OR5H14: variants seen among roughly 807,000 people sequenced by gnomAD.
OR5H14 encodes the protein olfactory receptor family 5 subfamily H member 14.
For missense variants in OR5H14, 392 were observed against 363.9 expected (o/e 1.08, Z -0.63); for synonymous variants, 155 against 130.6 (o/e 1.19, Z -1.28).
In OR5H14 at chr3:98,150,226, A is replaced by G. The variant is rs745586839; in HGVS notation, c.841A>G (p.Ile281Val). ...DMMESLFYTV[I>V]VPLLNPMIYS... ...GATGGAGTCTCTATTTTACACTGTC[A>G]TAGTTCCTTTATTAAATCCCATGAT... Residue 281 changes from isoleucine to valine, a missense_variant, in exon 2 of 2, where the codon ATA (isoleucine) becomes GTA (valine). Physicochemically the swap from Ile to Val is conservative, Grantham distance 29. Transcript: ENST00000641380. 1 of 1,612,080 alleles carries G rather than the reference A, an allele frequency of 6.2e-7. No individual in the cohort carries two copies. The highest frequency in any genetic ancestry group is 1.3e-5 in the African/African-American group (1 of 74,844).
intron 1 of OR5H14, among the ~76,000 whole-genome samples, chr3:98,148,698 A>G (rs1403254203): frequency 2.0e-5 from 3 of 152,068 alleles, no homozygotes; most frequent in Admixed American, 1.3e-4. Flanking sequence ...CATGGACTAG[A>G]CATCTAGCAT....
chr3:98,149,681 T>C lies in OR5H14; in HGVS notation c.296T>C (p.Ile99Thr). 1.2e-6 allele frequency: 2 copies of C among 1,613,388 alleles called. No individual in the cohort carries two copies. The highest frequency in any genetic ancestry group is 2.2e-5 in the South Asian group (2 of 91,076). The change falls in exon 2 of 2, where the codon ATA becomes ACA. Residue 99 changes from isoleucine to threonine, a missense_variant. Physicochemically the swap from Ile to Thr is moderately conservative, Grantham distance 89. Transcript: ENST00000641380. ...ATGATATCTCTCTCTGAATGCAAGA[T>C]ACAGTTGTTTTCGTTTGCAATCAGT... Reference protein sequence around the residue: ...SKMISLSECKIQLFSFAISVT... With the variant: ...SKMISLSECKTQLFSFAISVT...
chr3:98,148,775 T>C (rs1708456108), intron 1 of OR5H14, among the ~76,000 whole-genome samples: 1 of 152,038 alleles, frequency 6.6e-6, no homozygotes, highest in Admixed American at 6.6e-5. Flanking sequence ...AAATAATCAA[T>C]TTCTACATTA....
rs1191872521 is a variant in OR5H14 at position 98,148,727 on chromosome 3, G to C, written c.-18-641G>C. On this transcript the variant is annotated intron_variant, in intron 1 of 1. Transcript: ENST00000641380. The stretch of plus-strand genomic sequence containing the variant: ...CTAGCATTCATTTGAATCATCTTGA[G>C]GGTATTTTTAAATACAGATTTCTAG... 2.0e-5 allele frequency among the ~76,000 whole-genome samples: 3 copies of C among 151,870 alleles called. No homozygotes were observed. In the East Asian group the frequency reaches 5.8e-4, roughly 29 times the overall value.
rs1708573436 is a variant in OR5H14 at position 98,155,350 on chromosome 3, G to T, written c.*5032G>T. 1 of 152,136 alleles carries T rather than the reference G, an allele frequency of 6.6e-6. No individual in the cohort carries two copies. The highest frequency in any genetic ancestry group is 2.1e-4 in the South Asian group (1 of 4,822). 9.4% of individuals were successfully genotyped at this position (152,136 alleles called of 1,614,324 possible). ...TTGTAATTCCTCTGTCTTGGTAATG[G>T]GCTCTATCTAGGTGTCAGGCAAAAA... is the stretch of plus-strand genomic sequence containing the variant. On this transcript the variant is annotated 3_prime_UTR_variant, in exon 2 of 2. Coordinates refer to ENST00000641380, the MANE Select transcript of OR5H14 (RefSeq NM_001005514.2).
intron 1 of OR5H14, among the ~76,000 whole-genome samples, chr3:98,148,676 T>A (rs370854862): frequency 2.0e-5 from 3 of 152,084 alleles, no homozygotes; most frequent in Non-Finnish European, 4.4e-5. Context: ...TCTCTTCCAA[T>A]GTAATATCAC....
rs1213714008 is a variant in OR5H14, at chr3:98,155,743, C to G, written c.*5425C>G. 1 of 152,122 alleles carries G rather than the reference C, an allele frequency of 6.6e-6. No homozygotes were observed. Among genetic ancestry groups the G allele is most frequent in the Non-Finnish European group, 1.5e-5 (1 of 68,004 alleles). The allele number at this position is 152,122 out of a possible 1,614,324, so 9.4% of individuals were successfully genotyped here. ...GGCCTTATTAAAATCATATTTTGAC[C>G]AGCTCTGATGAGACCATATTAATCA... On this transcript the variant is annotated 3_prime_UTR_variant, in exon 2 of 2. Coordinates refer to ENST00000641380, the MANE Select transcript of OR5H14 (RefSeq NM_001005514.2).
Position 98,150,519 on chromosome 3 carries a change from C to T in OR5H14, c.*201C>T, listed in dbSNP as rs1024345047. 37 of 412,426 alleles carry T rather than the reference C, an allele frequency of 9.0e-5. No homozygotes were observed. Among genetic ancestry groups the T allele is most frequent in the Non-Finnish European group, 1.4e-4 (33 of 232,628 alleles). The allele number at this position is 412,426 out of a possible 1,614,324, so 25.5% of individuals were successfully genotyped here. A position where few individuals can be genotyped will look rare whatever the true frequency, so the allele number is the denominator to read the frequency against. ...AGGATTTGAGAAATTTTAATCAAGT[C>T]TTCATAATAGAATAATGATAGCAGA... On this transcript the variant is annotated 3_prime_UTR_variant, in exon 2 of 2. Transcript: ENST00000641380.
rs1318053451 is a variant in OR5H14, at chr3:98,156,555, G to A, written c.*6237G>A. The A allele has an allele frequency of 6.6e-6, 1 of 152,016 alleles. No homozygotes were observed. The highest frequency in any genetic ancestry group is 1.5e-5 in the Non-Finnish European group (1 of 67,960). 9.4% of individuals were successfully genotyped at this position (152,016 alleles called of 1,614,324 possible). A position where few individuals can be genotyped will look rare whatever the true frequency, so the allele number is the denominator to read the frequency against. On this transcript the variant is annotated 3_prime_UTR_variant, in exon 2 of 2. Coordinates refer to ENST00000641380, the MANE Select transcript of OR5H14 (RefSeq NM_001005514.2). Reference sequence around the variant, plus strand: ...TTAGAAGCTTAAATGTTTTAAAGCTGGGTTTAAATCTTCAATTCATTGTGA... The same window carrying A: ...TTAGAAGCTTAAATGTTTTAAAGCTAGGTTTAAATCTTCAATTCATTGTGA...
rs1170474168 is a variant in OR5H14, at chr3:98,151,123, A to AG, written c.*805_*806insG. On this transcript the variant is annotated 3_prime_UTR_variant, in exon 2 of 2. Coordinates refer to ENST00000641380, the MANE Select transcript of OR5H14 (RefSeq NM_001005514.2). ...AAGAAAAGATAAATGGCATAGTGGG[A>AG]AGAAAATGGTCTTAATCTTCCCAGA... is the stretch of plus-strand genomic sequence containing the variant. 1.3e-5 allele frequency: 2 copies of AG among 152,156 alleles called. No individual in the cohort carries two copies. Among genetic ancestry groups the AG allele is most frequent in the Non-Finnish European group, 2.9e-5 (2 of 68,018 alleles). 9.4% of individuals were successfully genotyped at this position (152,156 alleles called of 1,614,324 possible).
chr3:98,150,791 T>C lies in OR5H14; in HGVS notation c.*473T>C, dbSNP rs9809233. The C allele has an allele frequency of 0.61, 93,296 of 152,360 alleles. 29,575 individuals carry two copies. The highest frequency in any genetic ancestry group is 0.79 in the African/African-American group (32,803 of 41,516). 9.4% of individuals were successfully genotyped at this position (152,360 alleles called of 1,614,324 possible). A position where few individuals can be genotyped will look rare whatever the true frequency, so the allele number is the denominator to read the frequency against. On this transcript the variant is annotated 3_prime_UTR_variant, in exon 2 of 2. Coordinates refer to ENST00000641380, the MANE Select transcript of OR5H14 (RefSeq NM_001005514.2). Reference sequence around the variant, plus strand: ...AGAGGTCTTTCATTCCACTTAATTGTAAAAGAGTGAATTTCACTTCTTGTA... The same window carrying C: ...AGAGGTCTTTCATTCCACTTAATTGCAAAAGAGTGAATTTCACTTCTTGTA...
rs747581941 is a variant in OR5H14, at chr3:98,149,788, A to T, written c.403A>T (p.Ile135Phe). The T allele has an allele frequency of 3.7e-6, 6 of 1,612,700 alleles. No individual in the cohort carries two copies. The South Asian group carries it at 4.4e-5, about 12-fold the overall frequency. The change falls in exon 2 of 2, where the codon ATT (isoleucine) becomes TTT (phenylalanine). Residue 135 changes from isoleucine to phenylalanine, a missense_variant. Ile to Phe is a conservative substitution (Grantham distance 21, BLOSUM62 0). Transcript: ENST00000641380. Reference sequence around the variant, plus strand: ...ATGCAAACCCTTACTTTATCCAGCCATTATGACCAATGGACTGTGCATCCG... The same window carrying T: ...ATGCAAACCCTTACTTTATCCAGCCTTTATGACCAATGGACTGTGCATCCG... Reference protein sequence around the residue: ...AICKPLLYPAIMTNGLCIRLL... With the variant: ...AICKPLLYPAFMTNGLCIRLL...
Position 98,153,391 on chromosome 3 carries a change from A to T in OR5H14, c.*3073A>T, listed in dbSNP as rs1380281946. Reference sequence around the variant, plus strand: ...GAGGTCAGGAGTTCCAGACAAGCCTAGCCAACATGGTGAAACCCCATCTTT... The same window carrying T: ...GAGGTCAGGAGTTCCAGACAAGCCTTGCCAACATGGTGAAACCCCATCTTT... On this transcript the variant is annotated 3_prime_UTR_variant, in exon 2 of 2. Transcript: ENST00000641380. The T allele has an allele frequency of 6.6e-6, 1 of 152,186 alleles. No homozygotes were observed. The highest frequency in any genetic ancestry group is 1.5e-5 in the Non-Finnish European group (1 of 68,040). 9.4% of individuals were successfully genotyped at this position (152,186 alleles called of 1,614,324 possible).
intron 1 of OR5H14, among the ~76,000 whole-genome samples, chr3:98,148,347 CT>C (rs1005761733): frequency 6.6e-6 from 1 of 152,008 alleles, no homozygotes; most frequent in Non-Finnish European, 1.5e-5. Context: ...TCTTGTCACT[CT>C]TTTTGTTTCT....
In OR5H14 at chr3:98,150,380, A is replaced by G. The variant is rs140137002; in HGVS notation, c.*62A>G. 6.5e-4 allele frequency: 765 copies of G among 1,178,030 alleles called. 4 individuals carry two copies. The African/African-American group carries it at 0.011, about 17-fold the overall frequency. 73.0% of individuals were successfully genotyped at this position (1,178,030 alleles called of 1,614,324 possible). The stretch of plus-strand genomic sequence containing the variant: ...TCACAAAATTGTGCAAATTAGAGGT[A>G]CCTATGTTTTTGCCAGCATTAAAAG... On this transcript the variant is annotated 3_prime_UTR_variant, in exon 2 of 2. Coordinates refer to ENST00000641380, the MANE Select transcript of OR5H14 (RefSeq NM_001005514.2).
At chr3:98,147,929 T>C (rs1018604902) in intron 1 of OR5H14, 1 of 152,008 alleles carries the variant, frequency 6.6e-6, no homozygotes, top group Non-Finnish European at 1.5e-5. Context: ...CACTCTCTGA[T>C]TAAAACTTTT....
At chr3:98,148,945 T>A (rs1230072804) in intron 1 of OR5H14, among the ~76,000 whole-genome samples, 4 of 151,316 alleles carry the variant, frequency 2.6e-5, no homozygotes, top group African/African-American at 4.9e-5. Flanking sequence ...TCAAAAATTT[T>A]AAAAAATGTT....
Position 98,154,586 on chromosome 3 carries a change from A to G in OR5H14, c.*4268A>G, listed in dbSNP as rs4130110. ...CATTTATCTAGTTTCCTTTATTTTAATGGGTGAAAATGTAACTGAGCAAAA... is the reference window on the plus strand; with the variant it reads ...CATTTATCTAGTTTCCTTTATTTTAGTGGGTGAAAATGTAACTGAGCAAAA... On this transcript the variant is annotated 3_prime_UTR_variant, in exon 2 of 2. Transcript: ENST00000641380. 0.37 allele frequency: 55,261 copies of G among 150,972 alleles called. 8,489 individuals carry two copies. The highest frequency in any genetic ancestry group is 0.4 in the Non-Finnish European group (26,892 of 67,788). The allele number at this position is 150,972 out of a possible 1,614,324, so 9.4% of individuals were successfully genotyped here.
In OR5H14 at chr3:98,151,208, C is replaced by T. The variant is rs1471911032; in HGVS notation, c.*890C>T. The T allele has an allele frequency of 4.6e-5, 7 of 151,978 alleles. No individual in the cohort carries two copies. The highest frequency in any genetic ancestry group is 5.9e-5 in the Non-Finnish European group (4 of 67,990). 9.4% of individuals were successfully genotyped at this position (151,978 alleles called of 1,614,324 possible). On this transcript the variant is annotated 3_prime_UTR_variant, in exon 2 of 2. Coordinates refer to ENST00000641380, the MANE Select transcript of OR5H14 (RefSeq NM_001005514.2). ...GTGATGTTACAAGGTTATTGGAATG[C>T]GTTATTGACAATCAGGGGCTTTAAA... is the stretch of plus-strand genomic sequence containing the variant.
Sources: gnomAD v4.1 joint callset for allele counts (sites outside exome capture counted in the v4.1 genomes callset) on GRCh38, gnomAD v4.1.1 for gene constraint, MANE v1.5 for transcripts, NCBI Gene and HGNC (gene_info 2026-07-23, HGNC 2026-07-21) for gene names.